RPS6KA1: variants seen among roughly 807,000 people sequenced by gnomAD.
RPS6KA1 encodes ribosomal protein S6 kinase alpha-1.
RPS6KA1 carries 48 observed loss-of-function variants against 91.3 expected under a neutral mutation model. That is an observed-to-expected ratio of 0.53 (90% CI 0.42 to 0.67). RPS6KA1 has a LOEUF of 0.67. Among genes scored for constraint, RPS6KA1 ranks in the 30% least tolerant of loss-of-function variants. The pLI is 0.00. For synonymous variants in RPS6KA1, 359 were observed against 384.7 expected (o/e 0.93, Z 0.78); for missense variants, 719 against 960.5 (o/e 0.75, Z 3.32).
rs1448803072 is a variant in RPS6KA1 at position 26,540,748 on chromosome 1, C to T, written c.108+3779C>T. Among the ~76,000 whole-genome samples, 1 of 152,024 alleles carries T rather than the reference C, an allele frequency of 6.6e-6. No individual in the cohort carries two copies. The highest frequency in any genetic ancestry group is 6.5e-5 in the Admixed American group (1 of 15,272). ...ACGCCACTATGCCCAGCCAGGAGTT[C>T]AACACAAGCCTGGGCAACACAGGGA... On this transcript the variant is annotated intron_variant, in intron 2 of 21. Coordinates refer to ENST00000374168, the MANE Select transcript of RPS6KA1 (RefSeq NM_002953.4). The surrounding 1 kb of genome is among the most constrained non-coding windows in gnomAD (Gnocchi z 4.2).
At position 26,540,501 on chromosome 1, in the gene RPS6KA1, C is replaced by A. The variant is rs368551196; in HGVS notation, c.108+3532C>A. 6.6e-6 allele frequency among the ~76,000 whole-genome samples: 1 copy of A among 152,348 alleles called. No individual in the cohort carries two copies. Among genetic ancestry groups the A allele is most frequent in the East Asian group, 1.9e-4 (1 of 5,178 alleles). Reference sequence around the variant, plus strand: ...CTGGAAGGTCTTTCTTGACTTCATGCACTGGCAAATAGTCACCACCTCTGG... The same window carrying A: ...CTGGAAGGTCTTTCTTGACTTCATGAACTGGCAAATAGTCACCACCTCTGG... On this transcript the variant is annotated intron_variant, in intron 2 of 21. Coordinates refer to ENST00000374168, the MANE Select transcript of RPS6KA1 (RefSeq NM_002953.4). This position sits in a 1 kb window ranked among gnomAD's most constrained non-coding sequence, Gnocchi z 4.2.
rs981568458 is a variant in RPS6KA1, at chr1:26,571,387, G to A, written c.1591-62G>A. The A allele has an allele frequency of 2.1e-5, 32 of 1,534,114 alleles. No individual in the cohort carries two copies. In the East Asian group the frequency reaches 2.9e-4, roughly 14 times the overall value. ...CTGTGTAGCTTTCTAATCTCTGGCC[G>A]CTGACCTGGGCCACTAGCCACCTCC... On this transcript the variant is annotated intron_variant, in intron 17 of 21. Coordinates refer to ENST00000374168, the MANE Select transcript of RPS6KA1 (RefSeq NM_002953.4). This position sits in a 1 kb window ranked among gnomAD's most constrained non-coding sequence, Gnocchi z 5.1.
At chr1:26,549,306 C>T (rs1472357087) in intron 4 of RPS6KA1, among the ~76,000 whole-genome samples, 1 of 152,014 alleles carries the variant, frequency 6.6e-6, no homozygotes, top group East Asian at 1.9e-4. Flanking sequence ...TGCGGTGGCT[C>T]ATGCCTGTAA....
At chr1:26,560,610 C>G in intron 14 of RPS6KA1, 116 bp from the exon 15 acceptor site, 1 of 1,342,940 alleles carries the variant, frequency 7.4e-7, no homozygotes, top group Non-Finnish European at 1.0e-6. Flanking sequence ...CACTCTACCC[C>G]AAGTCTCCTG....
intron 7 of RPS6KA1, 34 bp downstream of exon 7, chr1:26,553,531 C>T (rs772135647): frequency 5.7e-6 from 8 of 1,412,184 alleles, no homozygotes; most frequent in Non-Finnish European, 7.0e-6. Context: ...CCCAGCCTCC[C>T]CAGGGGAGGC....
At chr1:26,565,264 G>T (rs1019611622) in intron 17 of RPS6KA1, among the ~76,000 whole-genome samples, 2 of 152,186 alleles carry the variant, frequency 1.3e-5, no homozygotes, top group African/African-American at 2.4e-5. Flanking sequence ...AATCCCACAG[G>T]AGCTGAGGGA....
chr1:26,555,458 C>T lies in RPS6KA1; in HGVS notation c.828-79C>T. ...TGGCTTGTCTAGACTGAGCTGGGAACTAGATCTGGACAGGGGCCGGGGGAG... is the reference window on the plus strand; with the variant it reads ...TGGCTTGTCTAGACTGAGCTGGGAATTAGATCTGGACAGGGGCCGGGGGAG... On this transcript the variant is annotated intron_variant, in intron 10 of 21. Coordinates refer to ENST00000374168, the MANE Select transcript of RPS6KA1 (RefSeq NM_002953.4). This position sits in a 1 kb window ranked among gnomAD's most constrained non-coding sequence, Gnocchi z 4.3. The T allele has an allele frequency of 7.2e-7, 1 of 1,382,806 alleles. No individual in the cohort carries two copies. Among genetic ancestry groups the T allele is most frequent in the Non-Finnish European group, 1.0e-6 (1 of 995,368 alleles). The allele number at this position is 1,382,806 out of a possible 1,614,324, so 85.7% of individuals were successfully genotyped here.
In RPS6KA1 at chr1:26,547,834, G is replaced by A. The variant is rs1030762089; in HGVS notation, c.307+564G>A. ...TACTGACCACTTGGCCTGGGAACCAGTGTGACCACTGACCCGGCAGAGTCA... is the reference window on the plus strand; with the variant it reads ...TACTGACCACTTGGCCTGGGAACCAATGTGACCACTGACCCGGCAGAGTCA... On this transcript the variant is annotated intron_variant, in intron 4 of 21. Coordinates refer to ENST00000374168, the MANE Select transcript of RPS6KA1 (RefSeq NM_002953.4). This position sits in a 1 kb window ranked among gnomAD's most constrained non-coding sequence, Gnocchi z 4.1. Among the ~76,000 whole-genome samples, 1 of 152,210 alleles carries A rather than the reference G, an allele frequency of 6.6e-6. No individual in the cohort carries two copies.
Position 26,555,397 on chromosome 1 carries a change from A to G in RPS6KA1, c.828-140A>G. 9.9e-7 allele frequency: 1 copy of G among 1,005,624 alleles called. No individual in the cohort carries two copies. Among genetic ancestry groups the G allele is most frequent in the Non-Finnish European group, 1.5e-6 (1 of 667,232 alleles). The allele number at this position is 1,005,624 out of a possible 1,614,324, so 62.3% of individuals were successfully genotyped here. A position where few individuals can be genotyped will look rare whatever the true frequency, so the allele number is the denominator to read the frequency against. Reference sequence around the variant, plus strand: ...CTTTCATCCCTGGGGGCCTGTGGGTAGGATCCCTGAAGCCTTTGGGAAGTG... The same window carrying G: ...CTTTCATCCCTGGGGGCCTGTGGGTGGGATCCCTGAAGCCTTTGGGAAGTG... On this transcript the variant is annotated intron_variant, in intron 10 of 21. Coordinates refer to ENST00000374168, the MANE Select transcript of RPS6KA1 (RefSeq NM_002953.4). This position sits in a 1 kb window ranked among gnomAD's most constrained non-coding sequence, Gnocchi z 4.3.
chr1:26,538,142 G>T (rs1381269711), intron 2 of RPS6KA1, among the ~76,000 whole-genome samples: 2 of 152,204 alleles, frequency 1.3e-5, no homozygotes. Context: ...CCACTTCTCT[G>T]TGGGTTGCTG....
At position 26,551,347 on chromosome 1, in the gene RPS6KA1, G is replaced by C; in HGVS notation, c.308-50G>C. 6.6e-7 allele frequency: 1 copy of C among 1,524,042 alleles called. No individual in the cohort carries two copies. The highest frequency in any genetic ancestry group is 9.1e-7 in the Non-Finnish European group (1 of 1,099,152). 94.4% of individuals were successfully genotyped at this position (1,524,042 alleles called of 1,614,324 possible). A position where few individuals can be genotyped will look rare whatever the true frequency, so the allele number is the denominator to read the frequency against. ...ATCCCTTAGCGGGGGCTTGGGAGTG[G>C]CTGTGTTGAGTGTCTAGGCTACTGG... On this transcript the variant is annotated intron_variant, in intron 4 of 21. Transcript: ENST00000374168. The surrounding 1 kb of genome is among the most constrained non-coding windows in gnomAD (Gnocchi z 4.5).
intron 17 of RPS6KA1, among the ~76,000 whole-genome samples, chr1:26,565,820 C>T (rs931885951): frequency 3.9e-5 from 6 of 152,162 alleles, no homozygotes; most frequent in South Asian, 2.1e-4. Flanking sequence ...TCTCGGCCTC[C>T]CAAAGTGCTG....
intron 17 of RPS6KA1, among the ~76,000 whole-genome samples, chr1:26,564,337 C>A (rs1300598551): frequency 6.6e-6 from 1 of 152,168 alleles, no homozygotes; most frequent in Non-Finnish European, 1.5e-5. Context: ...CAGCTCACTG[C>A]AAGCTCCGCC....
Position 26,551,702 on chromosome 1 carries a change from C to T in RPS6KA1, c.447C>T (p.Leu149=), listed in dbSNP as rs755963946. The T allele has an allele frequency of 1.4e-5, 22 of 1,614,078 alleles. No individual in the cohort carries two copies. Among genetic ancestry groups the T allele is most frequent in the Non-Finnish European group, 1.7e-5 (20 of 1,180,024 alleles). The change falls in exon 6 of 22, where the codon CTC becomes CTT. Residue 149 remains leucine, a synonymous_variant. Transcript: ENST00000374168. This position sits in a 1 kb window ranked among gnomAD's most constrained non-coding sequence, Gnocchi z 4.5. ...LILDFLRGGD[L]FTRLSKEVMF... is the part of the protein sequence containing the mutation. The stretch of plus-strand genomic sequence containing the variant: ...TGGACTTCCTGCGTGGTGGGGACCT[C>T]TTCACCCGGCTCTCAAAAGAGGTGA...
At chr1:26,549,734 C>T (rs1026255068) in intron 4 of RPS6KA1, among the ~76,000 whole-genome samples, 2 of 135,796 alleles carry the variant, frequency 1.5e-5, no homozygotes, top group South Asian at 2.6e-4. Context: ...TGGAGTCTCA[C>T]TCTATCGCTC....
intron 2 of RPS6KA1, chr1:26,543,333 TC>T (rs2124623001): frequency 2.5e-6 from 2 of 808,338 alleles, no homozygotes; most frequent in African/African-American, 1.7e-5. Flanking sequence ...CCTGTCTCTG[TC>T]CCCAGGGAGT....
chr1:26,538,891 AC>A (rs1344759322), intron 2 of RPS6KA1, among the ~76,000 whole-genome samples: 1 of 152,056 alleles, frequency 6.6e-6, no homozygotes, highest in East Asian at 1.9e-4. Flanking sequence ...GGGGCGCTCA[AC>A]CTGTGGTCCG....
In RPS6KA1 at chr1:26,555,745, A is replaced by G. The variant is rs2076095494; in HGVS notation, c.916+120A>G. The G allele has an allele frequency of 4.1e-6, 4 of 972,094 alleles. No individual in the cohort carries two copies. Among genetic ancestry groups the G allele is most frequent in the Admixed American group, 2.1e-5 (1 of 48,508 alleles). 60.2% of individuals were successfully genotyped at this position (972,094 alleles called of 1,614,324 possible). A position where few individuals can be genotyped will look rare whatever the true frequency, so the allele number is the denominator to read the frequency against. ...CCGTTGTCCTTTGTGTGGGCAGACAATGCCGCGGGCCACCCTGCTTTCTGG... is the reference window on the plus strand; with the variant it reads ...CCGTTGTCCTTTGTGTGGGCAGACAGTGCCGCGGGCCACCCTGCTTTCTGG... On this transcript the variant is annotated intron_variant, in intron 11 of 21. Coordinates refer to ENST00000374168, the MANE Select transcript of RPS6KA1 (RefSeq NM_002953.4). This position sits in a 1 kb window ranked among gnomAD's most constrained non-coding sequence, Gnocchi z 4.3.
chr1:26,530,144 G>A (rs1236404781), intron 1 of RPS6KA1, among the ~76,000 whole-genome samples, 161 bp downstream of exon 1: 2 of 152,156 alleles, frequency 1.3e-5, no homozygotes, highest in African/African-American at 4.8e-5. Context: ...CCCTATGCCC[G>A]GGTGTGCGTG....
Sources: gnomAD v4.1 joint callset for allele counts (sites outside exome capture counted in the v4.1 genomes callset) on GRCh38, gnomAD v4.1.1 for gene constraint, Gnocchi (gnomAD v3.1) non-coding constraint, MANE v1.5 for transcripts, NCBI Gene and HGNC (gene_info 2026-07-23, HGNC 2026-07-21) for gene names.